CFAP20DC: variants seen among roughly 807,000 people sequenced by gnomAD.
CFAP20DC encodes protein CFAP20DC.
A neutral mutation model predicts 101.7 loss-of-function variants in CFAP20DC; 84 were observed. That is an observed-to-expected ratio of 0.83 (90% CI 0.69 to 0.99). CFAP20DC has a LOEUF of 0.99. Ranked by LOEUF, CFAP20DC falls within the 50% of genes least tolerant of loss-of-function variation. The pLI is 0.00. For synonymous variants in CFAP20DC, 359 were observed against 351.2 expected (o/e 1.02, Z -0.25); for missense variants, 1,007 against 970.3 (o/e 1.04, Z -0.50).
intron 3 of CFAP20DC, chr3:58,725,819 T>A: frequency 4.6e-6 from 1 of 216,210 alleles, no homozygotes; most frequent in African/African-American, 2.3e-5. Context: ...TTCACCAAAG[T>A]TCATCTCCAA....
chr3:58,816,350 G>A (rs954629300), intron 14 of CFAP20DC, among the ~76,000 whole-genome samples: 33 of 152,142 alleles, frequency 2.2e-4, no homozygotes, highest in Admixed American at 2.0e-3. Context: ...CGCAGAAGAC[G>A]GGTGACTTCT....
intron 15 of CFAP20DC, among the ~76,000 whole-genome samples, chr3:58,796,954 G>T (rs2073300349): frequency 6.6e-6 from 1 of 152,100 alleles, no homozygotes; most frequent in South Asian, 2.1e-4. Flanking sequence ...ATATAAGATG[G>T]CAAATTTAGT....
At chr3:58,944,617 G>C (rs1300515583) in intron 4 of CFAP20DC, among the ~76,000 whole-genome samples, 1 of 152,168 alleles carries the variant, frequency 6.6e-6, no homozygotes, top group African/African-American at 2.4e-5. Context: ...GGATTCCCTG[G>C]TTTCTGTCCT....
downstream of CFAP20DC, among the ~76,000 whole-genome samples, chr3:58,739,897 T>C (rs2067843217): frequency 6.6e-6 from 1 of 152,156 alleles, no homozygotes; most frequent in Non-Finnish European, 1.5e-5. Context: ...AATGAAGCTA[T>C]AAAAAGGGGA....
At chr3:58,744,389 T>C (rs917434204) in intron 16 of CFAP20DC, among the ~76,000 whole-genome samples, 1 of 152,160 alleles carries the variant, frequency 6.6e-6, no homozygotes, top group Non-Finnish European at 1.5e-5. Flanking sequence ...TTGATTATGC[T>C]AAAGGAGTGG....
intron 16 of CFAP20DC, among the ~76,000 whole-genome samples, chr3:58,746,944 G>C (rs1197817447): frequency 6.6e-6 from 1 of 152,120 alleles, no homozygotes; most frequent in African/African-American, 2.4e-5. Flanking sequence ...ATGATGTCAA[G>C]CATTGGGAAA....
chr3:58,833,573 C>G (rs1260838132), intron 13 of CFAP20DC, among the ~76,000 whole-genome samples: 2 of 152,078 alleles, frequency 1.3e-5, no homozygotes, highest in Non-Finnish European at 2.9e-5. Flanking sequence ...GACAATAACA[C>G]GTATTGGCAA....
At chr3:58,988,009 T>C (rs1273648109) in intron 4 of CFAP20DC, among the ~76,000 whole-genome samples, 2 of 152,082 alleles carry the variant, frequency 1.3e-5, no homozygotes, top group African/African-American at 4.8e-5. Flanking sequence ...AGAAAAATTA[T>C]AAAATAATCT....
chr3:58,963,167 ACTT>A (rs1371133250), intron 4 of CFAP20DC, among the ~76,000 whole-genome samples: 4 of 139,844 alleles, frequency 2.9e-5, no homozygotes, highest in African/African-American at 1.1e-4. Flanking sequence ...AGGCTTTCAT[ACTT>A]CTTCTCAAGG....
intron 4 of CFAP20DC, among the ~76,000 whole-genome samples, chr3:58,978,478 T>C (rs111792145): frequency 0.049 from 7,367 of 151,840 alleles, 589 homozygotes; most frequent in African/African-American, 0.17. Flanking sequence ...GGAGGCCGAG[T>C]TGGGCAGATC....
At chr3:58,903,140 A>G (rs1174044879) in intron 6 of CFAP20DC, among the ~76,000 whole-genome samples, 2 of 152,208 alleles carry the variant, frequency 1.3e-5, no homozygotes, top group Non-Finnish European at 2.9e-5. Flanking sequence ...TTGATACACA[A>G]AAGTTTTACA....
intron 4 of CFAP20DC, among the ~76,000 whole-genome samples, chr3:59,019,930 A>C (rs1289633655): frequency 6.6e-6 from 1 of 152,048 alleles, no homozygotes; most frequent in Non-Finnish European, 1.5e-5. Flanking sequence ...AGTTTTTTAA[A>C]AGGTAACATG....
intron 5 of CFAP20DC, among the ~76,000 whole-genome samples, chr3:58,935,006 T>G (rs948920077): frequency 6.6e-6 from 1 of 152,198 alleles, no homozygotes; most frequent in Non-Finnish European, 1.5e-5. Flanking sequence ...GATGACATGA[T>G]TGTATATCTA....
At chr3:58,978,109 A>T (rs902897588) in intron 4 of CFAP20DC, among the ~76,000 whole-genome samples, 1 of 152,084 alleles carries the variant, frequency 6.6e-6, no homozygotes, top group African/African-American at 2.4e-5. Context: ...TCCTGGGTGG[A>T]GCAAAAAGAG....
At chr3:58,809,930 C>A (rs145779485) in intron 14 of CFAP20DC, among the ~76,000 whole-genome samples, 5 of 152,058 alleles carry the variant, frequency 3.3e-5, no homozygotes, top group African/African-American at 9.7e-5. Flanking sequence ...AAAACCTCCA[C>A]GCAAATAAAC....
At chr3:58,995,523 T>TTA in intron 4 of CFAP20DC, among the ~76,000 whole-genome samples, 1 of 150,766 alleles carries the variant, frequency 6.6e-6, no homozygotes, top group East Asian at 2.0e-4. Context: ...AATTTCATCC[T>TTA]TATATAAGGC....
At chr3:58,736,594 C>T (rs2067762340) in intron 3 of CFAP20DC, among the ~76,000 whole-genome samples, 2 of 152,194 alleles carry the variant, frequency 1.3e-5, no homozygotes, top group African/African-American at 2.4e-5. Context: ...TTTAAGGTCT[C>T]AAGAGCACCT....
chr3:58,724,797 C>T lies in CFAP20DC; in HGVS notation c.198-7169G>A, dbSNP rs1231410315. Reference sequence around the variant, plus strand: ...TCAATCCTTTGTCGCCACCGGACTTCGGGTACCCTACGGGTGGGTGGTGTT... The same window carrying T: ...TCAATCCTTTGTCGCCACCGGACTTTGGGTACCCTACGGGTGGGTGGTGTT... On this transcript the variant is annotated intron_variant, in intron 3 of 3. Coordinates refer to the CFAP20DC transcript ENST00000486145. The surrounding 1 kb of genome is among the most constrained non-coding windows in gnomAD (Gnocchi z 5.6). 2.0e-5 allele frequency among the ~76,000 whole-genome samples: 3 copies of T among 152,210 alleles called. No homozygotes were observed. Among genetic ancestry groups the T allele is most frequent in the East Asian group, 1.9e-4 (1 of 5,174 alleles).
At chr3:58,961,840 AT>A (rs2091167271) in intron 4 of CFAP20DC, among the ~76,000 whole-genome samples, 1 of 151,928 alleles carries the variant, frequency 6.6e-6, no homozygotes, top group Non-Finnish European at 1.5e-5. Context: ...TTCTCTTATC[AT>A]TTTAATTTCT....
Sources: gnomAD v4.1 joint callset for allele counts (sites outside exome capture counted in the v4.1 genomes callset) on GRCh38, gnomAD v4.1.1 for gene constraint, Gnocchi (gnomAD v3.1) non-coding constraint, MANE v1.5 for transcripts, NCBI Gene and HGNC (gene_info 2026-07-23, HGNC 2026-07-21) for gene names.